Variants in RASA2 observed in about 807,000 individuals in gnomAD.
The protein encoded by RASA2 is RAS p21 protein activator 2.
A neutral mutation model predicts 118.2 loss-of-function variants in RASA2; 155 were observed. The ratio of observed to expected loss-of-function variants is 1.31; its 90% CI spans 1.15 to 1.50. RASA2 has a LOEUF of 1.50. RASA2 is among the 40% of genes most tolerant of loss of function. RASA2 has a pLI of 0.00. For synonymous variants in RASA2, 353 were observed against 349.1 expected, an observed-to-expected ratio of 1.01 and a Z score of -0.12; for missense variants, 1,016 against 1,009.6, an observed-to-expected ratio of 1.01 and a Z score of -0.09.
chr3:141,556,093 A>G (rs540065410), intron 7 of RASA2, among the ~76,000 whole-genome samples, 181 bp downstream of exon 7: 1 of 152,372 alleles, frequency 6.6e-6, no homozygotes, highest in South Asian at 2.1e-4. Flanking sequence ...TAAAATGAAT[A>G]AAGGCAGAGC....
intron 19 of RASA2, among the ~76,000 whole-genome samples, chr3:141,593,307 A>G (rs912720078): frequency 8.5e-5 from 13 of 152,118 alleles, no homozygotes; most frequent in Non-Finnish European, 1.8e-4. Flanking sequence ...TTGGCCTCCC[A>G]AAGTGCTGGG....
intron 1 of RASA2, among the ~76,000 whole-genome samples, chr3:141,502,042 C>CA (rs2081790835): frequency 6.6e-6 from 1 of 152,134 alleles, no homozygotes; most frequent in South Asian, 2.1e-4. Context: ...ACATGATTCT[C>CA]AAAGGAAATA....
chr3:141,491,541 A>T (rs2081639855), intron 1 of RASA2, among the ~76,000 whole-genome samples: 1 of 152,188 alleles, frequency 6.6e-6, no homozygotes, highest in Non-Finnish European at 1.5e-5. Flanking sequence ...GCCCTACCTC[A>T]CAATGTTATC....
intron 5 of RASA2, among the ~76,000 whole-genome samples, chr3:141,542,869 A>C (rs2082425858): frequency 6.6e-6 from 1 of 152,150 alleles, no homozygotes; most frequent in Non-Finnish European, 1.5e-5. Context: ...TGTGAATGGA[A>C]TCTTATAATA....
In RASA2 at chr3:141,608,699, T is replaced by A; in HGVS notation, c.2225+2T>A. On this transcript the variant is annotated splice_donor_variant, in intron 21 of 23. Coordinates refer to ENST00000286364, the MANE Select transcript of RASA2 (RefSeq NM_006506.5). LOFTEE classifies it high-confidence loss of function. Reference sequence around the variant, plus strand: ...TCTCGGCTGCAAGCCATGTACTGCGTAAGTTTCTTTCTGATTATAAAAGCA... The same window carrying A: ...TCTCGGCTGCAAGCCATGTACTGCGAAAGTTTCTTTCTGATTATAAAAGCA... 6.2e-7 allele frequency: 1 copy of A among 1,610,618 alleles called. No homozygotes were observed. Among genetic ancestry groups the A allele is most frequent in the Non-Finnish European group, 8.5e-7 (1 of 1,176,964 alleles).
chr3:141,569,685 C>A (rs1289248234), intron 9 of RASA2, among the ~76,000 whole-genome samples: 1 of 152,130 alleles, frequency 6.6e-6, no homozygotes, highest in Non-Finnish European at 1.5e-5. Context: ...AGGTTTGTTA[C>A]ATGGGTATAT....
chr3:141,497,153 C>G (rs1402999785), intron 1 of RASA2, among the ~76,000 whole-genome samples: 1 of 107,926 alleles, frequency 9.3e-6, no homozygotes, highest in Non-Finnish European at 1.7e-5. Flanking sequence ...CATCACACAC[C>G]GGGGCCTGTC....
chr3:141,566,756 G>T (rs1000339578), intron 9 of RASA2, among the ~76,000 whole-genome samples: 3 of 151,896 alleles, frequency 2.0e-5, no homozygotes, highest in Admixed American at 2.0e-4. Flanking sequence ...ATTTTGTTTG[G>T]CATTGCCTTT....
intron 4 of RASA2, among the ~76,000 whole-genome samples, chr3:141,530,955 C>T (rs1160446880): frequency 6.6e-6 from 1 of 152,056 alleles, no homozygotes; most frequent in Non-Finnish European, 1.5e-5. Context: ...ACTTAAATGA[C>T]ATTGAATTTC....
intron 17 of RASA2, 152 bp downstream of exon 17, chr3:141,581,329 C>G: frequency 1.5e-6 from 1 of 646,358 alleles, no homozygotes; most frequent in Non-Finnish European, 2.2e-6. Context: ...TTTCTTCTTC[C>G]ACAAAGCTGT....
At position 141,487,118 on chromosome 3, in the gene RASA2, C is replaced by T. The variant is rs781067370; in HGVS notation, c.35C>T (p.Ser12Phe). Reference protein sequence around the residue: ...AAAAPAAAAASSEAPAASATA... With the variant: ...AAAAPAAAAAFSEAPAASATA... Reference sequence around the variant, plus strand: ...GCGGCGCCTGCTGCTGCGGCGGCTTCTTCCGAGGCGCCAGCGGCGAGTGCG... The same window carrying T: ...GCGGCGCCTGCTGCTGCGGCGGCTTTTTCCGAGGCGCCAGCGGCGAGTGCG... Residue 12 changes from serine (S) to phenylalanine (F), a missense_variant, in exon 1 of 24, where the codon TCT becomes TTT. Coordinates refer to ENST00000286364, the MANE Select transcript of RASA2 (RefSeq NM_006506.5). 7.9e-5 allele frequency: 112 copies of T among 1,425,796 alleles called. No individual in the cohort carries two copies. Among genetic ancestry groups the T allele is most frequent in the Middle Eastern group, 2.5e-4 (1 of 3,946 alleles). The allele number at this position is 1,425,796 out of a possible 1,614,324, so 88.3% of individuals were successfully genotyped here.
rs372511032 is a variant in RASA2, at chr3:141,537,693, C to T, written c.451-2840C>T. Among the ~76,000 whole-genome samples the T allele has an allele frequency of 1.8e-4, 27 of 152,164 alleles. No homozygotes were observed. The East Asian group carries it at 2.3e-3, about 13-fold the overall frequency. ...CTGAGGCAGGAGAATCGCTTGAACC[C>T]GGGAGGCAGAGGTTGCAGTGAGCTG... is the stretch of plus-strand genomic sequence containing the variant. On this transcript the variant is annotated intron_variant, in intron 4 of 23. Transcript: ENST00000286364.
At chr3:141,563,489 A>G (rs1363024602) in intron 9 of RASA2, among the ~76,000 whole-genome samples, 2 of 152,194 alleles carry the variant, frequency 1.3e-5, no homozygotes, top group African/African-American at 4.8e-5. Flanking sequence ...ACAAATGACT[A>G]TTGATAGTTA....
intron 1 of RASA2, among the ~76,000 whole-genome samples, chr3:141,496,737 T>C (rs566559150): frequency 3.7e-4 from 57 of 152,276 alleles, no homozygotes; most frequent in East Asian, 5.8e-4. Flanking sequence ...CTAGTTCAAC[T>C]GTTGTGGAAG....
At chr3:141,516,702 C>T (rs770035810) in intron 3 of RASA2, among the ~76,000 whole-genome samples, 2 of 151,650 alleles carry the variant, frequency 1.3e-5, no homozygotes, top group Non-Finnish European at 2.9e-5. Flanking sequence ...ACTCATTATG[C>T]TTATTCATTA....
At chr3:141,590,812 G>A (rs1013881149) in intron 19 of RASA2, among the ~76,000 whole-genome samples, 19 of 152,140 alleles carry the variant, frequency 1.2e-4, no homozygotes, top group African/African-American at 4.1e-4. Flanking sequence ...AATATGCATA[G>A]TCTTTTCCCA....
Position 141,602,775 on chromosome 3 carries a change from C to T in RASA2, c.1934-4903C>T, listed in dbSNP as rs568201633. ...CAAATACCTCAAAGGCTTCCACCCT[C>T]TGTCATCTGAGCTGTGTGTGGATTA... On this transcript the variant is annotated intron_variant, in intron 19 of 23. Transcript: ENST00000286364. Among the ~76,000 whole-genome samples the T allele has an allele frequency of 7.9e-5, 12 of 152,354 alleles. No homozygotes were observed. The South Asian group carries it at 2.5e-3, about 32-fold the overall frequency.
intron 19 of RASA2, among the ~76,000 whole-genome samples, chr3:141,603,505 A>C (rs1251821735): frequency 6.6e-6 from 1 of 152,110 alleles, no homozygotes; most frequent in Non-Finnish European, 1.5e-5. Context: ...CAGGAGGTGG[A>C]GATTGCAGTG....
At chr3:141,526,883 C>T (rs2082192942) in intron 3 of RASA2, among the ~76,000 whole-genome samples, 1 of 152,126 alleles carries the variant, frequency 6.6e-6, no homozygotes, top group Admixed American at 6.5e-5. Context: ...ACTCATGATG[C>T]AGAATAGGAG....
Sources: gnomAD v4.1 joint callset for allele counts (sites outside exome capture counted in the v4.1 genomes callset) on GRCh38, gnomAD v4.1.1 for gene constraint, MANE v1.5 for transcripts, NCBI Gene and HGNC (gene_info 2026-07-23, HGNC 2026-07-21) for gene names.